TOX: variants seen among roughly 807,000 people sequenced by gnomAD.
The protein encoded by TOX is thymocyte selection-associated high mobility group box protein TOX.
In TOX, 11 loss-of-function variants were observed where a neutral mutation model predicts 53.7. The ratio of observed to expected loss-of-function variants is 0.20; its 90% CI spans 0.13 to 0.34. TOX has a LOEUF of 0.34. TOX is among the 10% of genes least tolerant of loss of function. The pLI is 1.00. For missense variants in TOX, 570 were observed against 664.6 expected (o/e 0.86, Z 1.56); for synonymous variants, 225 against 245.3 (o/e 0.92, Z 0.77).
At chr8:59,060,494 G>T (rs1212634390) in intron 1 of TOX, among the ~76,000 whole-genome samples, 2 of 152,200 alleles carry the variant, frequency 1.3e-5, no homozygotes, top group African/African-American at 4.8e-5. Context: ...GGGCGTGCTG[G>T]CACGTGCCTG....
intron 1 of TOX, among the ~76,000 whole-genome samples, chr8:59,076,650 C>T (rs917183091): frequency 6.6e-6 from 1 of 151,930 alleles, no homozygotes; most frequent in African/African-American, 2.4e-5. Context: ...TTTTATGCTC[C>T]TAATTTTATG....
intron 1 of TOX, among the ~76,000 whole-genome samples, chr8:59,094,499 G>A (rs1163063333): frequency 1.3e-5 from 2 of 151,980 alleles, no homozygotes; most frequent in Non-Finnish European, 2.9e-5. Context: ...CTAGCCAGGT[G>A]TAGTGGCACA....
chr8:59,047,672 C>G (rs1803714967), intron 1 of TOX, among the ~76,000 whole-genome samples: 1 of 151,974 alleles, frequency 6.6e-6, no homozygotes, highest in Admixed American at 6.6e-5. Context: ...TTACTGGCCT[C>G]AAGCCATCCT....
At chr8:58,854,707 T>A (rs1440893070) in intron 3 of TOX, among the ~76,000 whole-genome samples, 1 of 152,148 alleles carries the variant, frequency 6.6e-6, no homozygotes, top group Admixed American at 6.5e-5. Context: ...TCTTTTCCTG[T>A]GTGGAGCATG....
intron 1 of TOX, among the ~76,000 whole-genome samples, chr8:59,094,027 GA>G (rs1284614917): frequency 6.6e-6 from 1 of 151,950 alleles, no homozygotes; most frequent in Non-Finnish European, 1.5e-5. Context: ...ATTATTTACT[GA>G]AAATTATAAT....
At chr8:58,989,375 A>G (rs544255372) in intron 1 of TOX, among the ~76,000 whole-genome samples, 1 of 152,092 alleles carries the variant, frequency 6.6e-6, no homozygotes, top group Non-Finnish European at 1.5e-5. Context: ...GCATGGTGTT[A>G]TAAAGTGTCC....
chr8:58,940,731 T>C (rs1585913849), intron 2 of TOX, among the ~76,000 whole-genome samples: 1 of 152,094 alleles, frequency 6.6e-6, no homozygotes, highest in Admixed American at 6.6e-5. Flanking sequence ...AATAAAGTAG[T>C]GTAAGGTATT....
intron 3 of TOX, among the ~76,000 whole-genome samples, chr8:58,875,313 C>T (rs10110482): frequency 0.22 from 32,781 of 152,084 alleles, 3,812 homozygotes; most frequent in African/African-American, 0.29. Context: ...AATAACTTAT[C>T]TTCCTTAGAA....
At chr8:58,824,634 C>T (rs1349922387) in intron 6 of TOX, among the ~76,000 whole-genome samples, 1 of 152,230 alleles carries the variant, frequency 6.6e-6, no homozygotes, top group Non-Finnish European at 1.5e-5. Flanking sequence ...TTAAAGAGGT[C>T]TTTGCAGATC....
At chr8:58,949,119 G>A (rs1812575768) in intron 2 of TOX, among the ~76,000 whole-genome samples, 1 of 152,084 alleles carries the variant, frequency 6.6e-6, no homozygotes, top group African/African-American at 2.4e-5. Context: ...AATTCATTAA[G>A]GATATATCAG....
intron 1 of TOX, among the ~76,000 whole-genome samples, chr8:59,021,651 G>A (rs532583009): frequency 6.6e-6 from 1 of 151,420 alleles, no homozygotes; most frequent in Non-Finnish European, 1.5e-5. Context: ...AAATAGATTG[G>A]TTTTCTCGAA....
At chr8:59,026,548 T>A (rs889420341) in intron 1 of TOX, among the ~76,000 whole-genome samples, 4 of 152,158 alleles carry the variant, frequency 2.6e-5, no homozygotes, top group Non-Finnish European at 4.4e-5. Context: ...CTATTTTCCT[T>A]TAGCAATCTG....
intron 5 of TOX, among the ~76,000 whole-genome samples, chr8:58,832,886 C>G (rs1431775664): frequency 6.6e-6 from 1 of 152,162 alleles, no homozygotes; most frequent in Non-Finnish European, 1.5e-5. Flanking sequence ...ACTGCTATGG[C>G]TAATATCCTT....
chr8:58,929,143 G>C (rs112344682), intron 3 of TOX, among the ~76,000 whole-genome samples: 1,633 of 152,060 alleles, frequency 0.011, 30 homozygotes, highest in African/African-American at 0.037. Context: ...AATTTGTATA[G>C]TCCATTAAAT....
chr8:58,887,901 A>G (rs576435369), intron 3 of TOX, among the ~76,000 whole-genome samples: 1 of 152,206 alleles, frequency 6.6e-6, no homozygotes, highest in Admixed American at 6.5e-5. Context: ...ATGGGAATAC[A>G]TTCTGAGAAT....
chr8:59,041,050 G>A (rs373842016), intron 1 of TOX, among the ~76,000 whole-genome samples: 1 of 150,054 alleles, frequency 6.7e-6, no homozygotes, highest in African/African-American at 2.5e-5. Flanking sequence ...CCATCAGCAG[G>A]AGGCACTTCA....
intron 3 of TOX, among the ~76,000 whole-genome samples, chr8:58,894,868 C>T (rs1811615378): frequency 6.6e-6 from 1 of 151,364 alleles, no homozygotes; most frequent in African/African-American, 2.4e-5. Context: ...TGCACTCCAG[C>T]CTGGGAGACA....
intron 1 of TOX, among the ~76,000 whole-genome samples, chr8:59,112,753 CA>C (rs1234792358): frequency 1.2e-4 from 18 of 152,164 alleles, no homozygotes; most frequent in South Asian, 4.1e-4. Flanking sequence ...GCAAGAACTA[CA>C]GTTAGGATCA....
rs1805120466 is a variant in TOX, at chr8:59,117,385, G to T, written c.102+1501C>A. 1.3e-5 allele frequency among the ~76,000 whole-genome samples: 2 copies of T among 152,192 alleles called. No homozygotes were observed. Among genetic ancestry groups the T allele is most frequent in the South Asian group, 4.1e-4 (2 of 4,830 alleles). ...CTTTCAACTTGCCCGTAGCTGAAGGGCTCCCTGTACAATGGAAGCCCTTCT... is the reference window on the plus strand; with the variant it reads ...CTTTCAACTTGCCCGTAGCTGAAGGTCTCCCTGTACAATGGAAGCCCTTCT... On this transcript the variant is annotated intron_variant, in intron 1 of 8. Coordinates refer to ENST00000361421, the MANE Select transcript of TOX (RefSeq NM_014729.3). The surrounding 1 kb of genome is among the most constrained non-coding windows in gnomAD (Gnocchi z 4.6).
Sources: gnomAD v4.1 joint callset for allele counts (sites outside exome capture counted in the v4.1 genomes callset) on GRCh38, gnomAD v4.1.1 for gene constraint, Gnocchi (gnomAD v3.1) non-coding constraint, MANE v1.5 for transcripts, NCBI Gene and HGNC (gene_info 2026-07-23, HGNC 2026-07-21) for gene names.